The following MARCHF1 variants were observed in gnomAD, a reference collection of about 807,000 sequenced individuals.
MARCHF1 encodes membrane associated ring-CH-type finger 1, also known as E3 ubiquitin-protein ligase MARCHF1.
Under a neutral mutation model 54.2 loss-of-function variants are expected in MARCHF1, and 40 were observed. The observed-to-expected ratio is 0.74, with a 90% CI of 0.57 to 0.96. MARCHF1 has a LOEUF of 0.96. MARCHF1 is among the 40% of genes least tolerant of loss of function. The probability of loss-of-function intolerance (pLI) is 0.00; values close to 1 mark genes in which losing one functional copy is unlikely to be tolerated. For synonymous variants in MARCHF1, 236 were observed against 236.3 expected, an observed-to-expected ratio of 1.00 and a Z score of 0.01; for missense variants, 586 against 656.5, an observed-to-expected ratio of 0.89 and a Z score of 1.17.
intron 1 of MARCHF1, among the ~76,000 whole-genome samples, chr4:164,303,034 A>G (rs1474247058): frequency 6.6e-6 from 1 of 152,160 alleles, no homozygotes; most frequent in Non-Finnish European, 1.5e-5. Context: ...AAAAATCACT[A>G]ATAGATGTTC....
intron 4 of MARCHF1, among the ~76,000 whole-genome samples, chr4:163,725,752 T>A (rs1745633197): frequency 6.6e-6 from 1 of 152,160 alleles, no homozygotes; most frequent in Admixed American, 6.5e-5. Flanking sequence ...AGCTCTGCAA[T>A]CTTGGAAAAC....
intron 5 of MARCHF1, among the ~76,000 whole-genome samples, chr4:163,638,213 G>T (rs1742416494): frequency 6.7e-6 from 1 of 148,278 alleles, no homozygotes; most frequent in East Asian, 2.0e-4. Flanking sequence ...AGCACAATGT[G>T]CACATGTACC....
chr4:163,579,656 G>A (rs916435483), intron 8 of MARCHF1, among the ~76,000 whole-genome samples: 1 of 140,032 alleles, frequency 7.1e-6, no homozygotes, highest in African/African-American at 2.7e-5. Flanking sequence ...CTTCCCTTAG[G>A]CTTCACATAA....
intron 8 of MARCHF1, among the ~76,000 whole-genome samples, chr4:163,555,563 T>C (rs1032960316): frequency 1.3e-5 from 2 of 152,198 alleles, no homozygotes; most frequent in African/African-American, 2.4e-5. Flanking sequence ...TCGGAGGTTA[T>C]GGTGAAAGAT....
intron 1 of MARCHF1, among the ~76,000 whole-genome samples, chr4:164,143,031 G>C (rs1194945556): frequency 6.7e-6 from 1 of 149,694 alleles, no homozygotes; most frequent in Non-Finnish European, 1.5e-5. Context: ...GAATGCAGAA[G>C]CCTCAGGAGC....
chr4:164,059,237 T>A (rs1382734033), intron 2 of MARCHF1, among the ~76,000 whole-genome samples: 1 of 152,212 alleles, frequency 6.6e-6, no homozygotes, highest in African/African-American at 2.4e-5. Context: ...AGGCATTGAT[T>A]CAGTTTGCTT....
intron 1 of MARCHF1, among the ~76,000 whole-genome samples, chr4:164,141,741 G>C (rs17044551): frequency 0.12 from 18,724 of 152,174 alleles, 1,455 homozygotes; most frequent in Admixed American, 0.21. Flanking sequence ...AAATAACCCT[G>C]GTGCCCCAAA....
chr4:164,249,380 G>A (rs1471845562), intron 1 of MARCHF1, among the ~76,000 whole-genome samples: 1 of 151,998 alleles, frequency 6.6e-6, no homozygotes, highest in Non-Finnish European at 1.5e-5. Flanking sequence ...AGGCCCTGAG[G>A]CAGAGAGGAG....
intron 2 of MARCHF1, among the ~76,000 whole-genome samples, chr4:164,061,820 A>C (rs1197203576): frequency 6.6e-6 from 1 of 152,220 alleles, no homozygotes; most frequent in Non-Finnish European, 1.5e-5. Context: ...AGTGAGTTTC[A>C]ATCTTTTTGC....
intron 5 of MARCHF1, among the ~76,000 whole-genome samples, chr4:163,691,672 A>G (rs1579199699): frequency 6.6e-6 from 1 of 152,146 alleles, no homozygotes; most frequent in Non-Finnish European, 1.5e-5. Context: ...ACCTTTTCTT[A>G]TAAGTTTCCT....
intron 5 of MARCHF1, among the ~76,000 whole-genome samples, chr4:163,680,959 T>C (rs986318419): frequency 6.6e-6 from 1 of 151,006 alleles, no homozygotes; most frequent in Non-Finnish European, 1.5e-5. Flanking sequence ...TACACACATA[T>C]ATATTATTGA....
chr4:163,707,164 T>C (rs1026781287), intron 4 of MARCHF1, among the ~76,000 whole-genome samples: 1 of 151,962 alleles, frequency 6.6e-6, no homozygotes, highest in African/African-American at 2.4e-5. Context: ...ATGAATTCAG[T>C]CTTGGGGTGG....
At chr4:164,339,747 A>G (rs1480182375) in intron 1 of MARCHF1, among the ~76,000 whole-genome samples, 1 of 152,188 alleles carries the variant, frequency 6.6e-6, no homozygotes, top group Non-Finnish European at 1.5e-5. Flanking sequence ...TAGACACTAG[A>G]GAACAATAAA....
At chr4:164,034,096 T>TAGATAGAC (rs1213454333) in intron 2 of MARCHF1, among the ~76,000 whole-genome samples, 3 of 146,402 alleles carry the variant, frequency 2.0e-5, no homozygotes, top group Non-Finnish European at 4.5e-5. Flanking sequence ...GATAGATAGA[T>TAGATAGAC]AGATAGATAG....
At chr4:163,569,158 A>G (rs1739747730) in intron 8 of MARCHF1, among the ~76,000 whole-genome samples, 1 of 152,092 alleles carries the variant, frequency 6.6e-6, no homozygotes, top group Non-Finnish European at 1.5e-5. Context: ...GGTCTTTTGG[A>G]ACACACATTT....
chr4:163,659,606 C>G lies in MARCHF1; in HGVS notation c.162+41207G>C, dbSNP rs1743272586. 2.0e-5 allele frequency among the ~76,000 whole-genome samples: 3 copies of G among 151,810 alleles called. 1 individual carries two copies. Among genetic ancestry groups the G allele is most frequent in the South Asian group, 4.1e-4 (2 of 4,826 alleles). Reference sequence around the variant, plus strand: ...CACAGCAAAGGAAACTATCATGAGACTGAACAGGCAACCTACAGAATGGGA... The same window carrying G: ...CACAGCAAAGGAAACTATCATGAGAGTGAACAGGCAACCTACAGAATGGGA... On this transcript the variant is annotated intron_variant, in intron 5 of 9. Transcript: ENST00000514618.
At chr4:164,310,819 T>G (rs1344751115) in intron 1 of MARCHF1, among the ~76,000 whole-genome samples, 1 of 152,042 alleles carries the variant, frequency 6.6e-6, no homozygotes, top group Admixed American at 6.5e-5. Flanking sequence ...TATAAAAACA[T>G]AATTTATCAT....
intron 4 of MARCHF1, among the ~76,000 whole-genome samples, chr4:163,772,046 C>T (rs1747177579): frequency 6.6e-6 from 1 of 152,098 alleles, no homozygotes; most frequent in Admixed American, 6.6e-5. Flanking sequence ...AGAGGCATCA[C>T]CTGGGAGTTT....
At chr4:163,881,193 G>A (rs1416972916) in intron 3 of MARCHF1, among the ~76,000 whole-genome samples, 2 of 152,148 alleles carry the variant, frequency 1.3e-5, no homozygotes, top group Non-Finnish European at 2.9e-5. Flanking sequence ...TATCCAACAA[G>A]GCCGGGCATG....
Sources: allele counts gnomAD v4.1 joint callset (sites outside exome capture counted in the v4.1 genomes callset), GRCh38; gene constraint gnomAD v4.1.1; transcripts MANE v1.5; gene names NCBI Gene and HGNC (gene_info 2026-07-23, HGNC 2026-07-21).